GTSF1: variants seen among roughly 807,000 people sequenced by gnomAD.
GTSF1 encodes the protein gametocyte specific factor 1, also known as gametocyte-specific factor 1.
A neutral mutation model predicts 28.9 loss-of-function variants in GTSF1; 11 were observed. That is an observed-to-expected ratio of 0.38 (90% CI 0.24 to 0.63). GTSF1 has a LOEUF of 0.63. GTSF1 is among the 30% of genes least tolerant of loss of function. The probability of loss-of-function intolerance (pLI) is 0.56; values close to 1 mark genes in which losing one functional copy is unlikely to be tolerated. For missense variants in GTSF1, 146 were observed against 201.0 expected, an observed-to-expected ratio of 0.73 and a Z score of 1.66; for synonymous variants, 69 against 65.6, an observed-to-expected ratio of 1.05 and a Z score of -0.25.
Position 54,471,281 on chromosome 12 carries a change from G to GA in GTSF1, c.-29-5dup. 1 of 1,583,552 alleles carries GA rather than the reference G, an allele frequency of 6.3e-7. No homozygotes were observed. The highest frequency in any genetic ancestry group is 8.6e-7 in the Non-Finnish European group (1 of 1,166,004). On this transcript the variant is annotated splice_polypyrimidine_tract_variant and splice_region_variant and intron_variant, in intron 1 of 8. Coordinates refer to ENST00000305879, the MANE Select transcript of GTSF1 (RefSeq NM_144594.3). ...ATGAAGAAGCTGAATCCAAGTGCTG[G>GA]AAAAAACAAAAGTGTGATTCAGGAA... is the stretch of plus-strand genomic sequence containing the variant.
chr12:54,459,110 T>G lies in GTSF1; in HGVS notation c.503A>C (p.Ter168SerextTer29), dbSNP rs1348574176. The change falls in exon 8 of 9, where the codon TAA becomes TCA. Residue 168 changes from the stop codon to serine (S), a stop_lost. Transcript: ENST00000305879. Reference protein sequence around the residue: ...LPWKNNGNAQ* With the variant: ...LPWKNNGNAQS ...TTACTTGATGAGATAGGTATTCAGTTACTGTGCATTTCCATCTACAAGTAG... is the reference window on the plus strand; with the variant it reads ...TTACTTGATGAGATAGGTATTCAGTGACTGTGCATTTCCATCTACAAGTAG... 6.2e-7 allele frequency: 1 copy of G among 1,604,856 alleles called. No individual in the cohort carries two copies.
chr12:54,473,236 T>C (rs1956611782), intron 1 of GTSF1, among the ~76,000 whole-genome samples: 1 of 152,068 alleles, frequency 6.6e-6, no homozygotes, highest in African/African-American at 2.4e-5. Flanking sequence ...ATTCCGGCCT[T>C]AGTAAAAGAA....
intron 6 of GTSF1, 27 bp from the exon 7 acceptor site, chr12:54,460,498 C>T (rs532024992): frequency 9.2e-6 from 14 of 1,520,330 alleles, no homozygotes; most frequent in Middle Eastern, 1.7e-4. Flanking sequence ...TTGGCTATGT[C>T]GGCAGATCAG....
chr12:54,462,140 A>G lies in GTSF1; in HGVS notation c.361T>C (p.Trp121Arg), dbSNP rs762388848. ...LWEQTSTPFV[W>R]GTTHYSDNNS... ...TTGTCAGAGTAGTGAGTTGTGCCCC[A>G]GACAAATGGGGTGCTGGTCTGCTCC... Residue 121 changes from tryptophan (W) to arginine (R), a missense_variant, in exon 6 of 9, where the codon TGG (tryptophan) becomes CGG (arginine). By Grantham distance (101) the Trp-to-Arg change is moderately radical (BLOSUM62 -3). Transcript: ENST00000305879. 4.3e-6 allele frequency: 7 copies of G among 1,613,792 alleles called. No homozygotes were observed. Among genetic ancestry groups the G allele is most frequent in the Non-Finnish European group, 5.9e-6 (7 of 1,179,804 alleles).
intron 2 of GTSF1, among the ~76,000 whole-genome samples, chr12:54,466,213 T>G (rs965048649): frequency 6.6e-6 from 1 of 152,226 alleles, no homozygotes; most frequent in Non-Finnish European, 1.5e-5. Flanking sequence ...TGGTATATTA[T>G]GAAGACAAGA....
At chr12:54,468,060 C>T (rs1000382262) in intron 2 of GTSF1, among the ~76,000 whole-genome samples, 3 of 152,008 alleles carry the variant, frequency 2.0e-5, no homozygotes, top group Non-Finnish European at 4.4e-5. Context: ...CGCGCCTGGC[C>T]CAGTTTTTAC....
intron 3 of GTSF1, among the ~76,000 whole-genome samples, chr12:54,464,024 A>C (rs1301507686): frequency 6.6e-6 from 1 of 152,226 alleles, no homozygotes; most frequent in African/African-American, 2.4e-5. Context: ...TAGGAAAAAA[A>C]AGATATGTCA....
intron 2 of GTSF1, chr12:54,466,807 T>C (rs763089813): frequency 7.5e-6 from 1 of 133,870 alleles, no homozygotes; most frequent in Non-Finnish European, 1.5e-5. Flanking sequence ...ATTTTTTTGA[T>C]TTAAAAATCT....
intron 2 of GTSF1, among the ~76,000 whole-genome samples, chr12:54,467,597 G>T (rs1175745821): frequency 1.3e-5 from 2 of 151,952 alleles, no homozygotes; most frequent in Non-Finnish European, 2.9e-5. Context: ...TTACAGGTGT[G>T]AGCCACCACA....
chr12:54,461,968 A>G, intron 6 of GTSF1, 141 bp downstream of exon 6: 3 of 605,092 alleles, frequency 5.0e-6, no homozygotes, highest in Non-Finnish European at 8.8e-6. Flanking sequence ...ATATGAAAAA[A>G]TGCCAAAACA....
chr12:54,473,352 C>T (rs1287237837), intron 1 of GTSF1, among the ~76,000 whole-genome samples, 194 bp downstream of exon 1: 2 of 151,948 alleles, frequency 1.3e-5, no homozygotes, highest in African/African-American at 2.4e-5. Flanking sequence ...TTAAAAAAAA[C>T]ATAGAAAAGG....
intron 4 of GTSF1, 97 bp from the exon 5 acceptor site, chr12:54,462,822 TG>T: frequency 1.1e-6 from 1 of 897,916 alleles, no homozygotes; most frequent in Non-Finnish European, 1.7e-6. Flanking sequence ...GGTAGCCTGT[TG>T]GGTCTTTATT....
chr12:54,461,184 C>A (rs942832230), intron 6 of GTSF1, among the ~76,000 whole-genome samples: 42 of 152,180 alleles, frequency 2.8e-4, no homozygotes, highest in African/African-American at 9.4e-4. Flanking sequence ...GCCTCGACCT[C>A]CTGGGCTTAA....
intron 2 of GTSF1, chr12:54,469,078 T>C (rs1956560859): frequency 6.6e-6 from 1 of 152,230 alleles, no homozygotes; most frequent in South Asian, 2.1e-4. Flanking sequence ...ATTCTTCTTC[T>C]TTTTTCTTTT....
chr12:54,465,209 C>T, intron 2 of GTSF1, 42 bp from the exon 3 acceptor site: 1 of 1,361,494 alleles, frequency 7.3e-7, no homozygotes, highest in Non-Finnish European at 1.1e-6. Flanking sequence ...CGATAATAGG[C>T]CCTTGTAAAA....
intron 2 of GTSF1, among the ~76,000 whole-genome samples, chr12:54,466,498 T>C (rs1404920185): frequency 1.3e-5 from 2 of 152,190 alleles, no homozygotes; most frequent in Non-Finnish European, 2.9e-5. Context: ...CTTATTATGC[T>C]AACCAGGCTC....
chr12:54,472,303 T>C (rs986260385), intron 1 of GTSF1: 1 of 152,226 alleles, frequency 6.6e-6, no homozygotes, highest in Non-Finnish European at 1.5e-5. Context: ...CTTTTTCTAG[T>C]GAGGTTTCAC....
chr12:54,471,450 C>T (rs946888665), intron 1 of GTSF1, among the ~76,000 whole-genome samples, 173 bp from the exon 2 acceptor site: 10 of 152,282 alleles, frequency 6.6e-5, no homozygotes, highest in African/African-American at 2.4e-4. Flanking sequence ...TTCTTGGAAT[C>T]ATTTTAACAT....
chr12:54,456,514 A>T (rs1408402284), intron 8 of GTSF1, among the ~76,000 whole-genome samples: 1 of 152,234 alleles, frequency 6.6e-6, no homozygotes, highest in Non-Finnish European at 1.5e-5. Flanking sequence ...TCATTAGTTC[A>T]AAAATAGTTT....
Sources: gnomAD v4.1 joint callset for allele counts (sites outside exome capture counted in the v4.1 genomes callset) on GRCh38, gnomAD v4.1.1 for gene constraint, MANE v1.5 for transcripts, NCBI Gene and HGNC (gene_info 2026-07-23, HGNC 2026-07-21) for gene names.